Variants in PCGF3 observed in about 807,000 individuals in gnomAD.
PCGF3 encodes polycomb group RING finger protein 3.
PCGF3 carries 7 observed loss-of-function variants against 33.1 expected under a neutral mutation model. The observed-to-expected ratio is 0.21, with a 90% confidence interval of 0.12 to 0.40. PCGF3 has a LOEUF of 0.40. Among genes scored for constraint, PCGF3 ranks in the 10% least tolerant of loss-of-function variants. The probability of loss-of-function intolerance (pLI) is 1.00; values close to 1 mark genes in which losing one functional copy is unlikely to be tolerated. For synonymous variants in PCGF3, 153 were observed against 121.3 expected, an observed-to-expected ratio of 1.26 and a Z score of -1.72; for missense variants, 211 against 313.3, an observed-to-expected ratio of 0.67 and a Z score of 2.46.
chr4:760,262 C>T (rs1313076255), intron 8 of PCGF3, among the ~76,000 whole-genome samples: 1 of 152,164 alleles, frequency 6.6e-6, no homozygotes, highest in African/African-American at 2.4e-5. Context: ...ACTTCCTTTC[C>T]TTTCTGTTCT....
At chr4:769,541 G>A (rs1745530616) in exon 11 of PCGF3, 1 of 152,690 alleles carries the variant, frequency 6.5e-6, no homozygotes, top group African/African-American at 2.4e-5. Context: ...ATTGAGATAA[G>A]TAGATTAGAA....
intron 1 of PCGF3, among the ~76,000 whole-genome samples, chr4:714,505 C>T (rs1319631337): frequency 1.3e-5 from 2 of 152,230 alleles, no homozygotes; most frequent in Non-Finnish European, 2.9e-5. Context: ...CACGGCGTTA[C>T]CTGATTTTCA....
At chr4:716,377 AGT>A (rs1742838912) in intron 1 of PCGF3, among the ~76,000 whole-genome samples, 2 of 131,888 alleles carry the variant, frequency 1.5e-5, no homozygotes, top group African/African-American at 3.0e-5. Context: ...GGACACTGTG[AGT>A]GTGAGAACTG....
At chr4:713,558 G>A (rs1192592599) in intron 1 of PCGF3, among the ~76,000 whole-genome samples, 1 of 151,448 alleles carries the variant, frequency 6.6e-6, no homozygotes, top group Non-Finnish European at 1.5e-5. Flanking sequence ...CAGGGCTGTG[G>A]CCTCATGGAT....
At chr4:755,860 G>A (rs560323751) in intron 8 of PCGF3, among the ~76,000 whole-genome samples, 5 of 149,928 alleles carry the variant, frequency 3.3e-5, no homozygotes, top group African/African-American at 1.2e-4. Flanking sequence ...GTGGTCTTCT[G>A]GGAGAGTACA....
intron 6 of PCGF3, among the ~76,000 whole-genome samples, chr4:738,206 ATC>A (rs979347356): frequency 6.6e-6 from 1 of 152,216 alleles, no homozygotes; most frequent in Admixed American, 6.5e-5. Context: ...TTCTCACTGT[ATC>A]TCAGAAGAGG....
chr4:754,059 A>G (rs1744656881), intron 8 of PCGF3, among the ~76,000 whole-genome samples: 1 of 152,108 alleles, frequency 6.6e-6, no homozygotes, highest in Non-Finnish European at 1.5e-5. Flanking sequence ...ACCCAGTGGG[A>G]CTGCAGGGCT....
At chr4:712,523 C>T (rs2109515169) in intron 1 of PCGF3, among the ~76,000 whole-genome samples, 1 of 152,342 alleles carries the variant, frequency 6.6e-6, no homozygotes, top group South Asian at 2.1e-4. Flanking sequence ...TCTCGGCTCA[C>T]TGCAACCTCC....
intron 8 of PCGF3, among the ~76,000 whole-genome samples, chr4:751,939 T>C (rs1372618091): frequency 1.3e-5 from 2 of 152,260 alleles, no homozygotes; most frequent in Admixed American, 6.5e-5. Context: ...GGCACAGGCC[T>C]CCTGGGACTG....
chr4:715,763 T>C (rs370058360), intron 1 of PCGF3, among the ~76,000 whole-genome samples: 1 of 46,358 alleles, frequency 2.2e-5, no homozygotes, highest in African/African-American at 7.7e-5. Context: ...GTGGACACTG[T>C]GAGTGTGAGA....
At chr4:722,704 CGCTGGGTCCACACTCGCGT>C (rs1743147715) in intron 1 of PCGF3, among the ~76,000 whole-genome samples, 4 of 106,636 alleles carry the variant, frequency 3.8e-5, no homozygotes, top group East Asian at 3.0e-4. Context: ...CACCTGTCTG[CGCTGGGTCCACACTCGCGT>C]CATCGCCCAC....
intron 1 of PCGF3, chr4:722,353 G>C (rs1398262513): frequency 1.0e-5 from 2 of 194,016 alleles, no homozygotes; most frequent in African/African-American, 4.8e-5. Context: ...GCTCCTCCCA[G>C]CATCCCGCAG....
intron 3 of PCGF3, 40 bp downstream of exon 3, chr4:731,150 T>TCCTTG (rs1381969973): frequency 3.0e-5 from 12 of 398,472 alleles, no homozygotes; most frequent in Non-Finnish European, 4.9e-5. Flanking sequence ...TCCTGCTGAC[T>TCCTTG]CCTTGCCCTG....
At chr4:734,637 C>T (rs996696219) in intron 4 of PCGF3, 5 of 1,256,114 alleles carry the variant, frequency 4.0e-6, no homozygotes, top group Middle Eastern at 3.2e-4. Flanking sequence ...TTCTGATGAC[C>T]CACAGCTCTG....
intron 6 of PCGF3, among the ~76,000 whole-genome samples, chr4:739,067 A>G (rs1241243720): frequency 1.3e-5 from 2 of 152,174 alleles, no homozygotes; most frequent in African/African-American, 4.8e-5. Context: ...CCCAAAAGAT[A>G]AGGGTTCTTC....
chr4:764,607 G>T, intron 9 of PCGF3: 1 of 190,262 alleles, frequency 5.3e-6, no homozygotes, highest in South Asian at 9.9e-5. Context: ...GGTGTGATGG[G>T]GCCTGTCAAG....
intron 4 of PCGF3, chr4:734,387 C>T: frequency 2.9e-6 from 4 of 1,395,344 alleles, no homozygotes; most frequent in South Asian, 1.9e-5. Context: ...TTTGTTTAAA[C>T]AGGATCTTTA....
chr4:757,756 T>TA, intron 8 of PCGF3: 1 of 152,360 alleles, frequency 6.6e-6, no homozygotes, highest in Non-Finnish European at 1.5e-5. Flanking sequence ...TCCTCCCTGT[T>TA]GTCTAGTGAA....
chr4:765,888 G>T, intron 10 of PCGF3, 144 bp from the exon 11 acceptor site: 1 of 704,180 alleles, frequency 1.4e-6, no homozygotes, highest in Non-Finnish European at 2.5e-6. Context: ...CCCTTCTGTT[G>T]CTCAGAACAG....
Sources: gnomAD v4.1 joint callset for allele counts (sites outside exome capture counted in the v4.1 genomes callset) on GRCh38, gnomAD v4.1.1 for gene constraint, MANE v1.5 for transcripts, NCBI Gene and HGNC (gene_info 2026-07-23, HGNC 2026-07-21) for gene names.